The following HECW2 variants were observed in gnomAD, a reference collection of about 807,000 sequenced individuals.
The protein encoded by HECW2 is HECT, C2 and WW domain containing E3 ubiquitin protein ligase 2.
Under a neutral mutation model 175.2 loss-of-function variants are expected in HECW2, and 61 were observed. The observed-to-expected ratio is 0.35, with a 90% CI of 0.28 to 0.43. The LOEUF is 0.43. Ranked by LOEUF, HECW2 falls within the 20% of genes least tolerant of loss-of-function variation. The probability of loss-of-function intolerance (pLI) is 1.00; values close to 1 mark genes in which losing one functional copy is unlikely to be tolerated. For missense variants in HECW2, 1,524 were observed against 2,000.5 expected (o/e 0.76, Z 4.54); for synonymous variants, 671 against 731.0 (o/e 0.92, Z 1.32).
At chr2:196,548,485 G>C (rs1057075434) in intron 1 of HECW2, among the ~76,000 whole-genome samples, 5 of 152,108 alleles carry the variant, frequency 3.3e-5, no homozygotes, top group African/African-American at 4.8e-5. Context: ...ATGACTTGAG[G>C]ATAAACTACA....
chr2:196,542,327 G>A (rs1370610249), intron 1 of HECW2, among the ~76,000 whole-genome samples: 1 of 146,702 alleles, frequency 6.8e-6, no homozygotes, highest in Non-Finnish European at 1.5e-5. Context: ...CAAGAGAGAA[G>A]AACAAAAGAA....
intron 1 of HECW2, among the ~76,000 whole-genome samples, chr2:196,462,309 G>A (rs1362616279): frequency 6.6e-6 from 1 of 152,108 alleles, no homozygotes; most frequent in African/African-American, 2.4e-5. Context: ...AAAATGATAT[G>A]TGCAATAAAT....
intron 1 of HECW2, among the ~76,000 whole-genome samples, chr2:196,460,377 T>G (rs896474335): frequency 6.6e-6 from 1 of 152,076 alleles, no homozygotes; most frequent in Admixed American, 6.6e-5. Flanking sequence ...AGACTCAATA[T>G]TCACCCTAAT....
chr2:196,371,638 C>T (rs1477157848), intron 2 of HECW2, among the ~76,000 whole-genome samples: 1 of 152,152 alleles, frequency 6.6e-6, no homozygotes, highest in Non-Finnish European at 1.5e-5. Context: ...ATTTTGGACT[C>T]ATATTTTATA....
At chr2:196,480,687 T>G (rs1686811471) in intron 1 of HECW2, among the ~76,000 whole-genome samples, 1 of 152,212 alleles carries the variant, frequency 6.6e-6, no homozygotes, top group African/African-American at 2.4e-5. Flanking sequence ...TTGGCAACAA[T>G]GCCACGCAAA....
chr2:196,532,774 T>C (rs1456987169), intron 1 of HECW2, among the ~76,000 whole-genome samples: 1 of 152,080 alleles, frequency 6.6e-6, no homozygotes, highest in African/African-American at 2.4e-5. Context: ...TATTTATTGC[T>C]TATATTATTT....
intron 3 of HECW2, 82 bp from the exon 4 acceptor site, chr2:196,334,600 C>T (rs866898331): frequency 3.7e-6 from 4 of 1,067,538 alleles, no homozygotes; most frequent in Middle Eastern, 2.0e-4. Flanking sequence ...CACCATACCA[C>T]CTCTCAGGGA....
intron 2 of HECW2, among the ~76,000 whole-genome samples, chr2:196,371,035 TG>T (rs1357535619): frequency 6.6e-6 from 1 of 152,188 alleles, no homozygotes; most frequent in Non-Finnish European, 1.5e-5. Flanking sequence ...TGTTTTTTTG[TG>T]TGTGGAGAGT....
At chr2:196,592,795 A>C (rs1219758399) in intron 1 of HECW2, 4 of 151,510 alleles carry the variant, frequency 2.6e-5, no homozygotes, top group African/African-American at 9.7e-5. Context: ...CCGTCGCCAC[A>C]AGCTGCGGGT....
intron 1 of HECW2, among the ~76,000 whole-genome samples, chr2:196,511,697 G>A (rs1016647361): frequency 6.6e-6 from 1 of 152,194 alleles, no homozygotes; most frequent in Non-Finnish European, 1.5e-5. Flanking sequence ...GCAAACCCAG[G>A]GGCATTGCAA....
intron 1 of HECW2, among the ~76,000 whole-genome samples, chr2:196,471,905 C>T (rs942961308): frequency 4.0e-5 from 6 of 150,310 alleles, no homozygotes; most frequent in Non-Finnish European, 8.9e-5. Flanking sequence ...ATCTGTACAC[C>T]AAACCCCCAT....
intron 1 of HECW2, among the ~76,000 whole-genome samples, chr2:196,478,785 C>T (rs1421366982): frequency 6.6e-6 from 1 of 151,966 alleles, no homozygotes; most frequent in Non-Finnish European, 1.5e-5. Context: ...GATGTGCATC[C>T]CCAAATAGAA....
chr2:196,525,517 A>G (rs1220931479), intron 1 of HECW2, among the ~76,000 whole-genome samples: 2 of 140,940 alleles, frequency 1.4e-5, no homozygotes, highest in African/African-American at 2.7e-5. Flanking sequence ...TGATCCTGTC[A>G]TTATGATGTT....
At chr2:196,325,583 GAAATACTGAGTA>G (rs1359638539) in intron 5 of HECW2, among the ~76,000 whole-genome samples, 1 of 152,122 alleles carries the variant, frequency 6.6e-6, no homozygotes, top group Non-Finnish European at 1.5e-5. Flanking sequence ...TGTCTTGAGG[GAAATACTGAGTA>G]AGCAGTTCAC....
intron 2 of HECW2, among the ~76,000 whole-genome samples, chr2:196,430,860 A>G (rs1021294001): frequency 5.9e-5 from 9 of 152,192 alleles, no homozygotes; most frequent in African/African-American, 1.7e-4. Flanking sequence ...GAAAAAAATA[A>G]AAACAGAAAA....
At chr2:196,297,293 G>A (rs372169346) in intron 13 of HECW2, among the ~76,000 whole-genome samples, 71 of 152,078 alleles carry the variant, frequency 4.7e-4, no homozygotes, top group South Asian at 1.9e-3. Flanking sequence ...GTTTCTCATC[G>A]TCCTAGCAAG....
intron 28 of HECW2, among the ~76,000 whole-genome samples, chr2:196,213,212 G>A (rs35031798): frequency 0.22 from 33,695 of 152,100 alleles, 4,433 homozygotes; most frequent in East Asian, 0.46. Flanking sequence ...TTTTCCCTCC[G>A]AATGTACTTT....
chr2:196,242,264 CATCA>C (rs2105884389), intron 19 of HECW2, 60 bp from the exon 20 acceptor site: 2 of 1,603,190 alleles, frequency 1.2e-6, no homozygotes, highest in Non-Finnish European at 1.7e-6. Flanking sequence ...ATGTTCATCA[CATCA>C]CCATGGACAA....
At chr2:196,554,966 G>T (rs1689744167) in intron 1 of HECW2, among the ~76,000 whole-genome samples, 1 of 152,168 alleles carries the variant, frequency 6.6e-6, no homozygotes, top group African/African-American at 2.4e-5. Context: ...ATAAAACACA[G>T]TTGGGTCCAG....
Sources: gnomAD v4.1 joint callset for allele counts (sites outside exome capture counted in the v4.1 genomes callset) on GRCh38, gnomAD v4.1.1 for gene constraint, MANE v1.5 for transcripts, NCBI Gene and HGNC (gene_info 2026-07-23, HGNC 2026-07-21) for gene names.